SGCZ: variants seen among roughly 807,000 people sequenced by gnomAD.
The protein encoded by SGCZ is sarcoglycan zeta, also known as zeta-sarcoglycan.
In SGCZ, 40 loss-of-function variants were observed where a neutral mutation model predicts 41.3. The observed-to-expected ratio is 0.97, with a 90% confidence interval of 0.75 to 1.26. SGCZ has a LOEUF of 1.26. SGCZ is among the 50% of genes most tolerant of loss of function. The pLI, the probability that SGCZ is intolerant of heterozygous loss-of-function variation, is 0.00. For missense variants in SGCZ, 552 were observed against 369.8 expected (o/e 1.49, Z -4.04); for synonymous variants, 206 against 137.5 (o/e 1.50, Z -3.49).
At chr8:14,551,533 A>ATAATATACATT (rs1275667444) in intron 2 of SGCZ, among the ~76,000 whole-genome samples, 1 of 12,170 alleles carries the variant, frequency 8.2e-5, no homozygotes, top group Non-Finnish European at 1.3e-4. Flanking sequence ...TAATATATAT[A>ATAATATACATT]ATATATATAA....
intron 2 of SGCZ, among the ~76,000 whole-genome samples, chr8:14,448,659 G>A (rs1037931): frequency 0.49 from 73,906 of 151,836 alleles, 18,493 homozygotes; most frequent in African/African-American, 0.59. Context: ...AGTAATTCAA[G>A]TTTCCTCAGT....
chr8:15,176,220 A>G (rs1333996658), intron 1 of SGCZ, among the ~76,000 whole-genome samples: 2 of 152,156 alleles, frequency 1.3e-5, no homozygotes, highest in Non-Finnish European at 2.9e-5. Context: ...CTCACCTTCT[A>G]GTCTGTACCA....
chr8:14,686,279 T>C (rs758336451), intron 1 of SGCZ, among the ~76,000 whole-genome samples: 1 of 152,138 alleles, frequency 6.6e-6, no homozygotes, highest in Non-Finnish European at 1.5e-5. Context: ...TGCTGTAATA[T>C]GTTGTAAGCA....
intron 1 of SGCZ, among the ~76,000 whole-genome samples, chr8:15,112,645 C>G (rs1393817457): frequency 6.6e-6 from 1 of 152,146 alleles, no homozygotes; most frequent in Non-Finnish European, 1.5e-5. Flanking sequence ...TATTGAAACA[C>G]AGCCACCATG....
chr8:14,818,861 A>C (rs1340607215), intron 1 of SGCZ, among the ~76,000 whole-genome samples: 1 of 152,078 alleles, frequency 6.6e-6, no homozygotes, highest in Non-Finnish European at 1.5e-5. Context: ...GGATTTTAAA[A>C]ATAATCTAGT....
At chr8:15,153,981 G>C (rs1799253391) in intron 1 of SGCZ, among the ~76,000 whole-genome samples, 1 of 152,116 alleles carries the variant, frequency 6.6e-6, no homozygotes, top group Non-Finnish European at 1.5e-5. Context: ...TAAGGAGAAT[G>C]CAACCTAGAT....
chr8:14,421,462 T>C (rs1799634938), intron 2 of SGCZ, among the ~76,000 whole-genome samples: 1 of 152,156 alleles, frequency 6.6e-6, no homozygotes, highest in Non-Finnish European at 1.5e-5. Context: ...GCAAATGCAA[T>C]GTTGTGATCT....
chr8:14,558,306 G>C (rs576349041), intron 1 of SGCZ, among the ~76,000 whole-genome samples: 1 of 152,070 alleles, frequency 6.6e-6, no homozygotes, highest in Non-Finnish European at 1.5e-5. Context: ...TGGGCACAGT[G>C]GTTCACACCT....
At chr8:15,195,229 G>A (rs1800684501) in intron 1 of SGCZ, among the ~76,000 whole-genome samples, 1 of 152,050 alleles carries the variant, frequency 6.6e-6, no homozygotes, top group Non-Finnish European at 1.5e-5. Flanking sequence ...AGTTTTCTTG[G>A]CCCAGTGTAG....
chr8:14,643,737 G>A (rs1028657657), intron 1 of SGCZ, among the ~76,000 whole-genome samples: 1 of 151,596 alleles, frequency 6.6e-6, no homozygotes, highest in Non-Finnish European at 1.5e-5. Flanking sequence ...GATAAACCAG[G>A]CCTGTCTTGC....
chr8:15,126,635 G>C lies in SGCZ; in HGVS notation c.39+110950C>G, dbSNP rs570756549. Among the ~76,000 whole-genome samples the C allele has an allele frequency of 2.6e-4, 39 of 152,294 alleles. No individual in the cohort carries two copies. In the South Asian group the frequency reaches 7.9e-3, roughly 31 times the overall value. On this transcript the variant is annotated intron_variant, in intron 1 of 7. Coordinates refer to ENST00000382080, the MANE Select transcript of SGCZ (RefSeq NM_139167.4). ...GGTGACAATGGCCAACTTTACCTGG[G>C]AAAGTCGGAGAAAATGCCCAGTGTT...
chr8:14,725,936 T>G (rs1391463105), intron 1 of SGCZ, among the ~76,000 whole-genome samples: 4 of 152,146 alleles, frequency 2.6e-5, no homozygotes, highest in Non-Finnish European at 5.9e-5. Context: ...TATAAAAATT[T>G]GCTTTTTTTT....
chr8:14,295,696 T>C (rs934627992), intron 3 of SGCZ, among the ~76,000 whole-genome samples: 1 of 152,196 alleles, frequency 6.6e-6, no homozygotes, highest in African/African-American at 2.4e-5. Flanking sequence ...GGGTGAATTC[T>C]ACTTTTATGA....
rs373277240 is a variant in SGCZ, at chr8:14,195,289, G to A, written c.425-30587C>T. The stretch of plus-strand genomic sequence containing the variant: ...GTAGGATGAAAAACTACATTGAGAC[G>A]GAGAATACGCTGAAAAGGGTTGACA... On this transcript the variant is annotated intron_variant, in intron 4 of 7. Transcript: ENST00000382080. Among the ~76,000 whole-genome samples the A allele has an allele frequency of 3.9e-5, 6 of 152,134 alleles. No homozygotes were observed. The South Asian group carries it at 6.2e-4, about 16-fold the overall frequency.
chr8:15,189,666 A>G (rs1800467342), intron 1 of SGCZ, among the ~76,000 whole-genome samples: 1 of 151,878 alleles, frequency 6.6e-6, no homozygotes, highest in Admixed American at 6.6e-5. Context: ...CTCCTACCTG[A>G]GCCTCCCAAG....
intron 3 of SGCZ, among the ~76,000 whole-genome samples, chr8:14,290,861 A>T (rs1460960199): frequency 6.6e-6 from 1 of 152,170 alleles, no homozygotes; most frequent in Non-Finnish European, 1.5e-5. Context: ...AGGAAAAGAA[A>T]TCAGTATGTT....
intron 5 of SGCZ, among the ~76,000 whole-genome samples, chr8:14,125,363 G>T (rs554209765): frequency 6.6e-6 from 1 of 151,934 alleles, no homozygotes; most frequent in African/African-American, 2.4e-5. Context: ...AATTAGCTGC[G>T]TATGGTGGCG....
intron 2 of SGCZ, among the ~76,000 whole-genome samples, chr8:14,424,368 G>A (rs185634352): frequency 6.6e-6 from 1 of 152,106 alleles, no homozygotes; most frequent in South Asian, 2.1e-4. Flanking sequence ...CTTTCAAAGA[G>A]GTGATTCACA....
At chr8:14,255,930 G>A (rs1259244503) in intron 3 of SGCZ, among the ~76,000 whole-genome samples, 1 of 151,942 alleles carries the variant, frequency 6.6e-6, no homozygotes, top group Non-Finnish European at 1.5e-5. Flanking sequence ...TTTGCAATAA[G>A]GAACTAATCA....
Sources: gnomAD v4.1 joint callset for allele counts (sites outside exome capture counted in the v4.1 genomes callset) on GRCh38, gnomAD v4.1.1 for gene constraint, MANE v1.5 for transcripts, NCBI Gene and HGNC (gene_info 2026-07-23, HGNC 2026-07-21) for gene names.